The following COL24A1 variants were observed in gnomAD, a reference collection of about 807,000 sequenced individuals.
The protein encoded by COL24A1 is collagen type XXIV alpha 1 chain.
In COL24A1, 224 loss-of-function variants were observed where a neutral mutation model predicts 253.9. The ratio of observed to expected loss-of-function variants is 0.88; its 90% CI spans 0.79 to 0.99. COL24A1 has a LOEUF of 0.99. COL24A1 is among the 50% of genes least tolerant of loss of function. The pLI is 0.00. For missense variants in COL24A1, 2,131 were observed against 2,068.5 expected (o/e 1.03, Z -0.59); for synonymous variants, 685 against 673.7 (o/e 1.02, Z -0.26).
At chr1:85,964,988 T>C (rs771795574) in intron 23 of COL24A1, 21 bp downstream of exon 23, 63 of 1,591,668 alleles carry the variant, frequency 4.0e-5, no homozygotes, top group Middle Eastern at 3.3e-4. Flanking sequence ...TTAAAACTGA[T>C]AATAAAGTCA....
At chr1:86,141,834 G>A (rs1470157569) in intron 2 of COL24A1, among the ~76,000 whole-genome samples, 1 of 151,842 alleles carries the variant, frequency 6.6e-6, no homozygotes, top group East Asian at 1.9e-4. Flanking sequence ...CCAAGTAGGT[G>A]GGATTACAGG....
At chr1:85,764,561 T>G (rs1407336888) in intron 53 of COL24A1, among the ~76,000 whole-genome samples, 2 of 151,666 alleles carry the variant, frequency 1.3e-5, no homozygotes, top group Non-Finnish European at 2.9e-5. Context: ...CTATAATTTA[T>G]AGAAAAACAC....
intron 3 of COL24A1, among the ~76,000 whole-genome samples, chr1:86,123,166 GA>G (rs1178338263): frequency 6.6e-6 from 1 of 151,768 alleles, no homozygotes; most frequent in Non-Finnish European, 1.5e-5. Context: ...CTTTCTCAAG[GA>G]ACTCAATAAA....
chr1:85,889,718 G>T, intron 31 of COL24A1, 105 bp from the exon 32 acceptor site: 7 of 872,694 alleles, frequency 8.0e-6, no homozygotes, highest in African/African-American at 1.8e-5. Flanking sequence ...CAACTTTTCT[G>T]TCTATTGCTA....
intron 24 of COL24A1, among the ~76,000 whole-genome samples, chr1:85,950,651 A>G (rs1007333549): frequency 6.6e-6 from 1 of 152,204 alleles, no homozygotes. Context: ...GATTTCACAA[A>G]CAGAAGTTAC....
intron 1 of COL24A1, among the ~76,000 whole-genome samples, chr1:86,151,825 T>G (rs189754911): frequency 6.6e-6 from 1 of 152,212 alleles, no homozygotes. Context: ...AGATTCAATT[T>G]ATAATAGTGG....
chr1:85,861,818 T>C (rs1157883840), intron 37 of COL24A1, among the ~76,000 whole-genome samples: 1 of 152,218 alleles, frequency 6.6e-6, no homozygotes, highest in African/African-American at 2.4e-5. Flanking sequence ...CATGATCTAC[T>C]TCCTACCTAT....
chr1:85,874,596 G>A, intron 35 of COL24A1, 53 bp downstream of exon 35: 2 of 1,492,794 alleles, frequency 1.3e-6, no homozygotes, highest in Non-Finnish European at 9.2e-7. Flanking sequence ...TAAGTTTTGA[G>A]CCTCTGAAAG....
chr1:85,914,544 C>A (rs572243827), intron 24 of COL24A1, among the ~76,000 whole-genome samples: 1 of 151,970 alleles, frequency 6.6e-6, no homozygotes, highest in Non-Finnish European at 1.5e-5. Context: ...GCGTGCACCA[C>A]CATGCCTGAT....
intron 32 of COL24A1, among the ~76,000 whole-genome samples, chr1:85,885,395 A>ATTT (rs200199982): frequency 4.7e-4 from 57 of 120,210 alleles, no homozygotes; most frequent in East Asian, 1.4e-3. Flanking sequence ...ATATATATAT[A>ATTT]TATTTTTTTT....
chr1:86,110,816 A>G (rs868727525), intron 5 of COL24A1, among the ~76,000 whole-genome samples: 6 of 149,722 alleles, frequency 4.0e-5, no homozygotes, highest in Admixed American at 6.6e-5. Flanking sequence ...ACCATGCCCG[A>G]CCCCCGCCCC....
Position 85,761,426 on chromosome 1 carries a change from G to C in COL24A1, c.4411-4C>G. Reference sequence around the variant, plus strand: ...GGCCTGGTGCTCCAGGTGGACCCTAGAACACAGCAAATTAAAAAAAATACA... The same window carrying C: ...GGCCTGGTGCTCCAGGTGGACCCTACAACACAGCAAATTAAAAAAAATACA... On this transcript the variant is annotated splice_region_variant and splice_polypyrimidine_tract_variant and intron_variant, in intron 54 of 59. Coordinates refer to ENST00000370571, the MANE Select transcript of COL24A1 (RefSeq NM_152890.7). The C allele has an allele frequency of 6.2e-7, 1 of 1,613,932 alleles. No homozygotes were observed. Among genetic ancestry groups the C allele is most frequent in the Non-Finnish European group, 8.5e-7 (1 of 1,179,964 alleles).
At position 85,827,316 on chromosome 1, in the gene COL24A1, G is replaced by A. The variant is rs1674504437; in HGVS notation, c.3682-3578C>T. ...GGATAAGCTTTTTGATGTGCTGCTGGATTCAGTTTGCCAGTATTTTATTGA... is the reference window on the plus strand; with the variant it reads ...GGATAAGCTTTTTGATGTGCTGCTGAATTCAGTTTGCCAGTATTTTATTGA... On this transcript the variant is annotated intron_variant, in intron 43 of 59. Transcript: ENST00000370571. 3.3e-5 allele frequency among the ~76,000 whole-genome samples: 5 copies of A among 151,016 alleles called. No homozygotes were observed. In the Admixed American group the frequency reaches 3.3e-4, roughly 10 times the overall value.
intron 25 of COL24A1, among the ~76,000 whole-genome samples, chr1:85,910,261 A>G (rs754330221): frequency 9.9e-5 from 15 of 152,006 alleles, no homozygotes; most frequent in Non-Finnish European, 1.9e-4. Flanking sequence ...AATAGAAATT[A>G]TGGATAAACA....
chr1:85,754,726 C>T (rs1399051715), intron 55 of COL24A1, among the ~76,000 whole-genome samples: 1 of 151,434 alleles, frequency 6.6e-6, no homozygotes, highest in East Asian at 1.9e-4. Context: ...TTTCCATAGG[C>T]AGAAGTAAGC....
At chr1:86,007,109 G>C (rs646163) in intron 19 of COL24A1, among the ~76,000 whole-genome samples, 27,525 of 151,914 alleles carry the variant, frequency 0.18, 3,161 homozygotes, top group African/African-American at 0.32. Flanking sequence ...TCCCTACTCA[G>C]GCGGCTGAGG....
intron 14 of COL24A1, among the ~76,000 whole-genome samples, chr1:86,025,487 C>G (rs530675230): frequency 1.1e-4 from 17 of 152,268 alleles, no homozygotes; most frequent in African/African-American, 3.8e-4. Flanking sequence ...ATCACACCCA[C>G]CATACTCACA....
intron 10 of COL24A1, among the ~76,000 whole-genome samples, chr1:86,052,431 A>C (rs941557796): frequency 3.3e-5 from 5 of 152,130 alleles, no homozygotes; most frequent in African/African-American, 1.2e-4. Context: ...TAACTGCCAC[A>C]ACATAGATGG....
chr1:86,088,864 A>G (rs1703269872), intron 7 of COL24A1, among the ~76,000 whole-genome samples: 1 of 48,848 alleles, frequency 2.0e-5, no homozygotes, highest in South Asian at 6.9e-4. Context: ...ATATTCTATC[A>G]CTGACTTTCT....
Sources: gnomAD v4.1 joint callset for allele counts (sites outside exome capture counted in the v4.1 genomes callset) on GRCh38, gnomAD v4.1.1 for gene constraint, MANE v1.5 for transcripts, NCBI Gene and HGNC (gene_info 2026-07-23, HGNC 2026-07-21) for gene names.